The following ZKSCAN1 variants were observed in gnomAD, a reference collection of about 807,000 sequenced individuals.
ZKSCAN1 encodes the protein zinc finger with KRAB and SCAN domains 1.
A neutral mutation model predicts 51.6 loss-of-function variants in ZKSCAN1; 14 were observed. That is an observed-to-expected ratio of 0.27 (90% confidence interval 0.18 to 0.42). The LOEUF is 0.42. Ranked by LOEUF, ZKSCAN1 falls within the 10% of genes least tolerant of loss-of-function variation. ZKSCAN1 has a pLI of 1.00. For missense variants in ZKSCAN1, 531 were observed against 710.0 expected (o/e 0.75, Z 2.86); for synonymous variants, 263 against 261.5 (o/e 1.01, Z -0.06).
chr7:100,035,155 A>G lies in ZKSCAN1; in HGVS notation c.*958A>G, dbSNP rs1351134742. 6.6e-6 allele frequency: 1 copy of G among 152,596 alleles called. No homozygotes were observed. Among genetic ancestry groups the G allele is most frequent in the Non-Finnish European group, 1.5e-5 (1 of 68,048 alleles). The allele number at this position is 152,596 out of a possible 1,614,324, so 9.5% of individuals were successfully genotyped here. On this transcript the variant is annotated 3_prime_UTR_variant, in exon 6 of 6. Transcript: ENST00000324306. Reference sequence around the variant, plus strand: ...GGCACTCATTCAGACTGACTTCTACAGGACTTCTACGTGTGTGATAAAAGC... The same window carrying G: ...GGCACTCATTCAGACTGACTTCTACGGGACTTCTACGTGTGTGATAAAAGC...
At chr7:100,032,845 A>G (rs1420115495) in intron 5 of ZKSCAN1, among the ~76,000 whole-genome samples, 1 of 152,146 alleles carries the variant, frequency 6.6e-6, no homozygotes, top group Non-Finnish European at 1.5e-5. Flanking sequence ...CGTCTACACT[A>G]AAAATACAAA....
chr7:100,045,204 C>T (rs531926260), downstream of ZKSCAN1, among the ~76,000 whole-genome samples: 1 of 150,218 alleles, frequency 6.7e-6, no homozygotes, highest in Non-Finnish European at 1.5e-5. Context: ...CACAGGAATT[C>T]TCGACCAGCC....
At chr7:100,027,001 A>G (rs1008108440) in intron 3 of ZKSCAN1, among the ~76,000 whole-genome samples, 1 of 152,018 alleles carries the variant, frequency 6.6e-6, no homozygotes, top group Non-Finnish European at 1.5e-5. Flanking sequence ...TCCATCTCAA[A>G]AAAGAAAAAA....
Position 100,036,398 on chromosome 7 carries a change from T to A in ZKSCAN1, c.*2201T>A, listed in dbSNP as rs1791362008. The A allele has an allele frequency of 1.0e-6, 1 of 985,290 alleles. No individual in the cohort carries two copies. The highest frequency in any genetic ancestry group is 6.1e-5 in the Admixed American group (1 of 16,268). The allele number at this position is 985,290 out of a possible 1,614,324, so 61.0% of individuals were successfully genotyped here. A position where few individuals can be genotyped will look rare whatever the true frequency, so the allele number is the denominator to read the frequency against. On this transcript the variant is annotated 3_prime_UTR_variant, in exon 6 of 6. Coordinates refer to ENST00000324306, the MANE Select transcript of ZKSCAN1 (RefSeq NM_003439.4). ...TGGTTTTGTAGAAAACTCCTGTGCTTTTGAGCAAGGACTTTTGCCCTCTAG... is the reference window on the plus strand; with the variant it reads ...TGGTTTTGTAGAAAACTCCTGTGCTATTGAGCAAGGACTTTTGCCCTCTAG...
chr7:100,028,541 G>T (rs1408692387), intron 3 of ZKSCAN1, among the ~76,000 whole-genome samples: 2 of 152,050 alleles, frequency 1.3e-5, no homozygotes, highest in East Asian at 1.9e-4. Flanking sequence ...TAGGTACAAG[G>T]TTTGGTCATT....
At chr7:100,021,891 C>T (rs1027021506) in intron 1 of ZKSCAN1, among the ~76,000 whole-genome samples, 1 of 151,980 alleles carries the variant, frequency 6.6e-6, no homozygotes, top group Non-Finnish European at 1.5e-5. Flanking sequence ...ACTGCAGACA[C>T]AGTCCCCATG....
Position 100,039,336 on chromosome 7 carries a change from G to T in ZKSCAN1, c.*5139G>T. The T allele has an allele frequency of 1.0e-6, 1 of 984,960 alleles. No individual in the cohort carries two copies. Among genetic ancestry groups the T allele is most frequent in the Non-Finnish European group, 1.2e-6 (1 of 829,976 alleles). 61.0% of individuals were successfully genotyped at this position (984,960 alleles called of 1,614,324 possible). A position where few individuals can be genotyped will look rare whatever the true frequency, so the allele number is the denominator to read the frequency against. On this transcript the variant is annotated 3_prime_UTR_variant, in exon 6 of 6. Coordinates refer to ENST00000324306, the MANE Select transcript of ZKSCAN1 (RefSeq NM_003439.4). ...AAAAGAAAAAAAAAAAAGAAAGAAA[G>T]AAAGAAAATTGGGGATAGGAGAACA...
chr7:100,041,784 TA>T (rs2116007500), downstream of ZKSCAN1: 1 of 968,992 alleles, frequency 1.0e-6, no homozygotes, highest in African/African-American at 1.8e-5. Context: ...ATTCCAAAGT[TA>T]AAAGACTGGA....
At chr7:100,045,208 ACC>A (rs369002802), downstream of ZKSCAN1, among the ~76,000 whole-genome samples, 1 of 150,382 alleles carries the variant, frequency 6.6e-6, no homozygotes, top group African/African-American at 2.5e-5. Flanking sequence ...GGAATTCTCG[ACC>A]AGCCTGGGCA....
Position 100,039,944 on chromosome 7 carries a change from TA to T in ZKSCAN1, c.*5751del, listed in dbSNP as rs1201268070. ...TTTCAACTACTACTGGAGAATTTAATAAAAGGCATTATTTGAAAAGTTTTTC... is the reference window on the plus strand; with the variant it reads ...TTTCAACTACTACTGGAGAATTTAATAAAGGCATTATTTGAAAAGTTTTTC... On this transcript the variant is annotated 3_prime_UTR_variant, in exon 6 of 6. Transcript: ENST00000324306. 2.1e-6 allele frequency: 2 copies of T among 974,402 alleles called. No homozygotes were observed. The highest frequency in any genetic ancestry group is 3.5e-5 in the African/African-American group (2 of 56,936). 60.4% of individuals were successfully genotyped at this position (974,402 alleles called of 1,614,324 possible). A position where few individuals can be genotyped will look rare whatever the true frequency, so the allele number is the denominator to read the frequency against.
intron 3 of ZKSCAN1, among the ~76,000 whole-genome samples, chr7:100,026,908 T>C (rs1338626646): frequency 6.6e-6 from 1 of 152,018 alleles, no homozygotes; most frequent in East Asian, 1.9e-4. Flanking sequence ...GTTTTTCTAG[T>C]TAAAAAAATT....
In ZKSCAN1 at chr7:100,033,629, A is replaced by T; in HGVS notation, c.1124A>T (p.Lys375Met). The change falls in exon 6 of 6, where the codon AAG becomes ATG. Residue 375 changes from lysine to methionine, a missense_variant. By Grantham distance (95) the Lys-to-Met change is moderately conservative (BLOSUM62 -1). Around this residue, in one of 2 missense-constraint regions of ZKSCAN1, gnomAD observed 403 missense variants for 490.5 expected, o/e 0.82. Coordinates refer to ENST00000324306, the MANE Select transcript of ZKSCAN1 (RefSeq NM_003439.4). The surrounding 1 kb of genome is among the most constrained non-coding windows in gnomAD (Gnocchi z 4.1). The stretch of plus-strand genomic sequence containing the variant: ...CCTGAAGAAGTTCCCACGGGAACAA[A>T]GTCTCACAGATGTGATGAATGTGGT... ...TTPEEVPTGT[K>M]SHRCDECGKC... 1 of 1,614,250 alleles carries T rather than the reference A, an allele frequency of 6.2e-7. No homozygotes were observed. Among genetic ancestry groups the T allele is most frequent in the Non-Finnish European group, 8.5e-7 (1 of 1,180,046 alleles).
chr7:100,034,250 A>G lies in ZKSCAN1; in HGVS notation c.*53A>G. On this transcript the variant is annotated 3_prime_UTR_variant, in exon 6 of 6. Coordinates refer to ENST00000324306, the MANE Select transcript of ZKSCAN1 (RefSeq NM_003439.4). ...CCCCTTTTGTTTCTAAAATTATTTCAGAGATGTGTGCTCCTGGAGGGAAAA... is the reference window on the plus strand; with the variant it reads ...CCCCTTTTGTTTCTAAAATTATTTCGGAGATGTGTGCTCCTGGAGGGAAAA... 1.3e-6 allele frequency: 2 copies of G among 1,500,008 alleles called. No homozygotes were observed. The highest frequency in any genetic ancestry group is 1.8e-6 in the Non-Finnish European group (2 of 1,133,344). The allele number at this position is 1,500,008 out of a possible 1,614,324, so 92.9% of individuals were successfully genotyped here.
downstream of ZKSCAN1, among the ~76,000 whole-genome samples, chr7:100,042,965 C>G (rs1416411002): frequency 6.6e-6 from 1 of 151,210 alleles, no homozygotes; most frequent in Non-Finnish European, 1.5e-5. Flanking sequence ...GCCCGGCTAA[C>G]TTTTTTTGTA....
chr7:100,044,003 C>T (rs964924227), downstream of ZKSCAN1, among the ~76,000 whole-genome samples: 1 of 151,950 alleles, frequency 6.6e-6, no homozygotes, highest in Non-Finnish European at 1.5e-5. Flanking sequence ...TCTCGAACTC[C>T]TGACTTCAAG....
At chr7:100,024,012 T>C (rs1405748185) in intron 2 of ZKSCAN1, 80 bp downstream of exon 2, 30 of 1,520,832 alleles carry the variant, frequency 2.0e-5, no homozygotes, top group Non-Finnish European at 2.5e-5. Context: ...TGGCAGGCTT[T>C]AGGTTATTAG....
rs1472394323 is a variant in ZKSCAN1 at position 100,037,933 on chromosome 7, T to A, written c.*3736T>A. On this transcript the variant is annotated 3_prime_UTR_variant, in exon 6 of 6. Transcript: ENST00000324306. ...TACTCGGGAGGCTGAGGCAGGAGAA[T>A]GGCTTGAACCTGCGAGGCGGAGGTT... The A allele has an allele frequency of 1.2e-6, 1 of 823,582 alleles. No homozygotes were observed. Among genetic ancestry groups the A allele is most frequent in the East Asian group, 1.2e-4 (1 of 8,012 alleles). The allele number at this position is 823,582 out of a possible 1,614,324, so 51.0% of individuals were successfully genotyped here. A position where few individuals can be genotyped will look rare whatever the true frequency, so the allele number is the denominator to read the frequency against.
In ZKSCAN1 at chr7:100,038,101, A is replaced by T. The variant is rs1791441105; in HGVS notation, c.*3904A>T. 2 of 985,416 alleles carry T rather than the reference A, an allele frequency of 2.0e-6. No homozygotes were observed. Among genetic ancestry groups the T allele is most frequent in the Non-Finnish European group, 1.2e-6 (1 of 829,932 alleles). 61.0% of individuals were successfully genotyped at this position (985,416 alleles called of 1,614,324 possible). ...GAAAAAAAATGTGGGGAAATGCTTTAAAAAAATAGCAAAATGTGCAACTTC... is the reference window on the plus strand; with the variant it reads ...GAAAAAAAATGTGGGGAAATGCTTTTAAAAAATAGCAAAATGTGCAACTTC... On this transcript the variant is annotated 3_prime_UTR_variant, in exon 6 of 6. Transcript: ENST00000324306.
chr7:100,041,734 T>C, downstream of ZKSCAN1: 1 of 985,290 alleles, frequency 1.0e-6, no homozygotes, highest in East Asian at 1.1e-4. Flanking sequence ...TTCTCATCCT[T>C]GGTTGCATAA....
Sources: allele counts gnomAD v4.1 joint callset (sites outside exome capture counted in the v4.1 genomes callset), GRCh38; gene constraint gnomAD v4.1.1; regional missense constraint gnomAD v4.1.1; non-coding constraint Gnocchi (gnomAD v3.1); transcripts MANE v1.5; gene names NCBI Gene and HGNC (gene_info 2026-07-23, HGNC 2026-07-21).